The following NARF variants were observed in gnomAD, a reference collection of about 807,000 sequenced individuals.
NARF encodes the protein iron-only hydrogenase-like protein 2.
Under a neutral mutation model 48.0 loss-of-function variants are expected in NARF, and 41 were observed. The ratio of observed to expected loss-of-function variants is 0.85; its 90% CI spans 0.66 to 1.11. The LOEUF (loss-of-function observed/expected upper bound fraction) is 1.11, where lower values mean the gene tolerates loss of function less well. NARF is among the 50% of genes least tolerant of loss of function. NARF has a pLI of 0.00. For synonymous variants in NARF, 215 were observed against 225.5 expected (o/e 0.95, Z 0.42); for missense variants, 613 against 590.2 (o/e 1.04, Z -0.40).
At chr17:82,462,375 G>A (rs1391807608) in intron 2 of NARF, among the ~76,000 whole-genome samples, 1 of 152,336 alleles carries the variant, frequency 6.6e-6, no homozygotes, top group Admixed American at 6.5e-5. Context: ...AGACCGTGAG[G>A]GGGTGACTCA....
rs2044173127 is a variant in NARF, at chr17:82,490,201, TC to T, written c.*2046del. The T allele has an allele frequency of 6.6e-6, 1 of 152,196 alleles. No individual in the cohort carries two copies. Among genetic ancestry groups the T allele is most frequent in the Non-Finnish European group, 1.5e-5 (1 of 68,042 alleles). 9.4% of individuals were successfully genotyped at this position (152,196 alleles called of 1,614,324 possible). On this transcript the variant is annotated 3_prime_UTR_variant, in exon 11 of 11. Transcript: ENST00000309794. ...AACAGAGCTGGCAGACGCCTGAAACTCCATGGAACCATGCAGCTGTACCCTA... is the reference window on the plus strand; with the variant it reads ...AACAGAGCTGGCAGACGCCTGAAACTCATGGAACCATGCAGCTGTACCCTA...
intron 6 of NARF, chr17:82,480,488 A>G (rs1241645759): frequency 3.7e-5 from 15 of 402,008 alleles, no homozygotes; most frequent in Non-Finnish European, 4.8e-5. Context: ...GTTTGGGAGG[A>G]CCACACCCAG....
intron 8 of NARF, 78 bp downstream of exon 8, chr17:82,483,857 G>A (rs990179141): frequency 2.2e-6 from 3 of 1,392,886 alleles, no homozygotes; most frequent in Middle Eastern, 2.4e-4. Context: ...CCAGGCCCAG[G>A]GCTGCCCTGC....
intron 3 of NARF, among the ~76,000 whole-genome samples, chr17:82,468,124 A>G (rs894289664): frequency 4.6e-5 from 7 of 151,998 alleles, no homozygotes; most frequent in Admixed American, 4.6e-4. Context: ...AGGCTGCCCA[A>G]TATGGCAAAA....
At chr17:82,470,887 G>T (rs1442409176) in intron 4 of NARF, among the ~76,000 whole-genome samples, 2 of 152,136 alleles carry the variant, frequency 1.3e-5, no homozygotes, top group Non-Finnish European at 2.9e-5. Flanking sequence ...ATCAGGCCGG[G>T]TGTGGTGGCT....
chr17:82,474,561 C>T (rs551370537), intron 5 of NARF, among the ~76,000 whole-genome samples: 4 of 152,324 alleles, frequency 2.6e-5, no homozygotes, highest in East Asian at 1.9e-4. Flanking sequence ...CTAAGCTAGT[C>T]GTAGGCTGTA....
chr17:82,488,044 G>A lies in NARF; in HGVS notation c.1258G>A (p.Glu420Lys). ...TCCGGAGTCCAGTGCACACGTGCAG[G>A]AGCTGTACCAGGAGTGGCTGGAGGG... ...RRPESSAHVQELYQEWLEGIN... is the reference protein window; with the variant it reads ...RRPESSAHVQKLYQEWLEGIN... The change falls in exon 11 of 11, where the codon GAG becomes AAG. Residue 420 changes from glutamate to lysine, a missense_variant. Glu to Lys is a moderately conservative substitution (Grantham distance 56). Coordinates refer to ENST00000309794, the MANE Select transcript of NARF (RefSeq NM_012336.4). 6.2e-7 allele frequency: 1 copy of A among 1,614,196 alleles called. No homozygotes were observed.
Position 82,464,316 on chromosome 17 carries a change from C to G in NARF, c.138C>G (p.Ala46=). 8 of 1,613,622 alleles carry G rather than the reference C, an allele frequency of 5.0e-6. No homozygotes were observed. Among genetic ancestry groups the G allele is most frequent in the Non-Finnish European group, 6.8e-6 (8 of 1,179,824 alleles). ...EKGEFHKLAD[A]KIFLSDCLAC... ...GAGAATTCCACAAGTTGGCTGATGC[C>G]AAGATATTTTTGAGCGACTGCCTGG... is the stretch of plus-strand genomic sequence containing the variant. Residue 46 remains alanine (A), a synonymous_variant, in exon 3 of 11, where the codon GCC becomes GCG. Coordinates refer to ENST00000309794, the MANE Select transcript of NARF (RefSeq NM_012336.4).
intron 7 of NARF, among the ~76,000 whole-genome samples, chr17:82,481,466 C>T (rs1335741993): frequency 6.6e-6 from 1 of 152,160 alleles, no homozygotes; most frequent in Admixed American, 6.5e-5. Flanking sequence ...CACAGTGGCT[C>T]ACGCCTGTAA....
intron 7 of NARF, chr17:82,482,115 C>A: frequency 6.8e-6 from 2 of 292,404 alleles, no homozygotes; most frequent in Non-Finnish European, 1.4e-5. Flanking sequence ...TGTTAAAATT[C>A]TGGCGGAACT....
intron 3 of NARF, among the ~76,000 whole-genome samples, chr17:82,466,425 A>G (rs1337468419): frequency 6.6e-6 from 1 of 152,136 alleles, no homozygotes; most frequent in Non-Finnish European, 1.5e-5. Context: ...ATATTTTAGT[A>G]CGGTGTGCGA....
intron 2 of NARF, among the ~76,000 whole-genome samples, chr17:82,461,262 G>A (rs2043430356): frequency 6.6e-6 from 1 of 151,806 alleles, no homozygotes; most frequent in African/African-American, 2.4e-5. Flanking sequence ...ATTCTCCTTA[G>A]CTAGTAGCTA....
intron 4 of NARF, among the ~76,000 whole-genome samples, chr17:82,471,503 T>C (rs1412404950): frequency 7.1e-6 from 1 of 140,844 alleles, no homozygotes; most frequent in Non-Finnish European, 1.6e-5. Context: ...ATTATAAAAG[T>C]ATGCCCTTGC....
intron 2 of NARF, chr17:82,463,118 G>A (rs1055131896): frequency 6.6e-6 from 1 of 152,154 alleles, no homozygotes; most frequent in Non-Finnish European, 1.5e-5. Context: ...GCTGCGGTTC[G>A]TAGCACGCTG....
At chr17:82,477,243 C>T (rs1220284252) in intron 5 of NARF, 1 of 151,858 alleles carries the variant, frequency 6.6e-6, no homozygotes, top group Non-Finnish European at 1.5e-5. Context: ...GTGGCTCACG[C>T]CTGTAATCCC....
Position 82,485,667 on chromosome 17 carries a change from G to GAGC in NARF, c.1129+18_1129+20dup, listed in dbSNP as rs1324119865. The GAGC allele has an allele frequency of 6.2e-7, 1 of 1,613,480 alleles. No homozygotes were observed. The highest frequency in any genetic ancestry group is 8.5e-7 in the Non-Finnish European group (1 of 1,179,772). ...GCCTGTGCTGGAGGTGAGGCGCCAAGAGCAGCACCTGGCTCTGTCTCCCAC... is the reference window on the plus strand; with the variant it reads ...GCCTGTGCTGGAGGTGAGGCGCCAAGAGCAGCAGCACCTGGCTCTGTCTCCCAC... On this transcript the variant is annotated intron_variant, in intron 10 of 10. Transcript: ENST00000309794.
Position 82,468,800 on chromosome 17 carries a change from T to C in NARF, c.289T>C (p.Ser97Pro), listed in dbSNP as rs1312797845. The C allele has an allele frequency of 6.2e-7, 1 of 1,614,036 alleles. No homozygotes were observed. The highest frequency in any genetic ancestry group is 8.5e-7 in the Non-Finnish European group (1 of 1,179,998). The change falls in exon 4 of 11, where the codon TCT becomes CCT. Residue 97 changes from serine (S) to proline (P), a missense_variant. Transcript: ENST00000309794. ...DTSKHKVLVV[S>P]VCPQSLPYFA... ...CTCAAAGCACAAAGTGCTGGTAGTG[T>C]CTGTGTGTCCTCAATCTTTGCCTTA...
At chr17:82,458,906 C>G in intron 1 of NARF, 76 bp downstream of exon 1, 1 of 1,281,548 alleles carries the variant, frequency 7.8e-7, no homozygotes. Flanking sequence ...GTTGGCGGTC[C>G]GGGCCCGCCG....
At chr17:82,463,945 A>AGGGG (rs1403145007) in intron 2 of NARF, 2 of 202,330 alleles carry the variant, frequency 9.9e-6, no homozygotes, top group East Asian at 2.5e-4. Flanking sequence ...CCAAAGAGGA[A>AGGGG]GGGGTCTAGG....
Sources: allele counts gnomAD v4.1 joint callset (sites outside exome capture counted in the v4.1 genomes callset), GRCh38; gene constraint gnomAD v4.1.1; transcripts MANE v1.5; gene names NCBI Gene and HGNC (gene_info 2026-07-23, HGNC 2026-07-21).